Variants in RERE observed in about 807,000 individuals in gnomAD.
RERE encodes arginine-glutamic acid dipeptide repeats protein.
In RERE, 40 loss-of-function variants were observed where a neutral mutation model predicts 146.1. That is an observed-to-expected ratio of 0.27 (90% CI 0.21 to 0.36). The LOEUF is 0.36. Ranked by LOEUF, RERE falls within the 10% of genes least tolerant of loss-of-function variation. The pLI, the probability that RERE is intolerant of heterozygous loss-of-function variation, is 1.00. For synonymous variants in RERE, 1,003 were observed against 866.0 expected (o/e 1.16, Z -2.78); for missense variants, 1,933 against 2,138.7 (o/e 0.90, Z 1.90).
Position 8,361,128 on chromosome 1 carries a change from C to T in RERE, c.2379G>A (p.Ala793=), listed in dbSNP as rs368307554. ...GTTGGATGTGGGTGTGGGGAACAGG[C>T]GCTGTGGGAGCCTGTGGCTGGTTAG... ...QAPNQPQAPT[A]PVPHTHIQQA... is the part of the protein sequence containing the mutation. The change falls in exon 18 of 23, where the codon GCG becomes GCA. Residue 793 remains alanine, a synonymous_variant. Coordinates refer to ENST00000400908, the MANE Select transcript of RERE (RefSeq NM_001042681.2). The T allele has an allele frequency of 2.0e-3, 2,934 of 1,443,450 alleles. 3 individuals carry two copies. The highest frequency in any genetic ancestry group is 2.4e-3 in the Non-Finnish European group (2,656 of 1,103,180). The allele number at this position is 1,443,450 out of a possible 1,614,324, so 89.4% of individuals were successfully genotyped here. A position where few individuals can be genotyped will look rare whatever the true frequency, so the allele number is the denominator to read the frequency against.
chr1:8,422,832 A>G lies in RERE; in HGVS notation c.1204-25T>C, dbSNP rs755438032. 5 of 1,567,146 alleles carry G rather than the reference A, an allele frequency of 3.2e-6. No individual in the cohort carries two copies. In the Admixed American group the frequency reaches 5.0e-5, roughly 16 times the overall value. ...TCTGTGATAAAAAGAAACAAATGGG[A>G]TGTAAAAACCAAAAACAAAACAGGA... On this transcript the variant is annotated intron_variant, in intron 11 of 22. Transcript: ENST00000400908.
At chr1:8,447,299 T>C (rs1644334933) in intron 11 of RERE, among the ~76,000 whole-genome samples, 1 of 152,082 alleles carries the variant, frequency 6.6e-6, no homozygotes, top group Non-Finnish European at 1.5e-5. Context: ...CTTCTGTCAA[T>C]TTGTCAAACT....
intron 7 of RERE, among the ~76,000 whole-genome samples, chr1:8,521,869 C>T (rs1645505857): frequency 6.6e-6 from 1 of 152,072 alleles, no homozygotes; most frequent in Non-Finnish European, 1.5e-5. Context: ...GAAATGGAGA[C>T]CGTAAGAATA....
chr1:8,557,591 T>C, intron 4 of RERE, 68 bp from the exon 5 acceptor site: 1 of 983,346 alleles, frequency 1.0e-6, no homozygotes, highest in Non-Finnish European at 1.6e-6. Context: ...ATCATACCCA[T>C]GACCAAAAGC....
rs1461950810 is a variant in RERE at position 8,365,802 on chromosome 1, C to A, written c.1447+10G>T. ...CCTCCGCCCACTGTGATGCCAAGAC[C>A]CCTACTCACAGAATTCACTGGACGG... On this transcript the variant is annotated intron_variant, in intron 13 of 22. Coordinates refer to ENST00000400908, the MANE Select transcript of RERE (RefSeq NM_001042681.2). The A allele has an allele frequency of 6.2e-6, 10 of 1,613,920 alleles. No individual in the cohort carries two copies. The highest frequency in any genetic ancestry group is 8.5e-6 in the Non-Finnish European group (10 of 1,179,894).
chr1:8,669,185 C>A (rs191102883), intron 1 of RERE, among the ~76,000 whole-genome samples: 247 of 151,540 alleles, frequency 1.6e-3, no homozygotes, highest in Non-Finnish European at 2.9e-3. Context: ...CAATACCCCC[C>A]CCAACTCGGC....
At chr1:8,535,094 T>A (rs1645708073) in intron 7 of RERE, among the ~76,000 whole-genome samples, 1 of 151,946 alleles carries the variant, frequency 6.6e-6, no homozygotes, top group South Asian at 2.1e-4. Flanking sequence ...AAACCGTACC[T>A]ACGAATAGCC....
chr1:8,647,659 G>A (rs958034046), intron 2 of RERE, among the ~76,000 whole-genome samples: 81 of 151,832 alleles, frequency 5.3e-4, no homozygotes, highest in Non-Finnish European at 9.3e-4. Context: ...GTGTGTGTGT[G>A]TGTGTGTGTG....
rs139314736 is a variant in RERE, at chr1:8,670,153, C to T, written c.-144-13712G>A. Among the ~76,000 whole-genome samples the T allele has an allele frequency of 7.7e-3, 1,170 of 152,218 alleles. 10 individuals carry two copies. The highest frequency in any genetic ancestry group is 0.012 in the Non-Finnish European group (792 of 68,008). On this transcript the variant is annotated intron_variant, in intron 1 of 22. Coordinates refer to ENST00000400908, the MANE Select transcript of RERE (RefSeq NM_001042681.2). ...TTCTAGGTTGACCAAATGTATTAAC[C>T]CTGCTCTCTCTGTTAACCTGATGTC...
At position 8,362,675 on chromosome 1, in the gene RERE, C is replaced by A. The variant is rs1641632699; in HGVS notation, c.1902+8G>T. 4 of 1,614,128 alleles carry A rather than the reference C, an allele frequency of 2.5e-6. No individual in the cohort carries two copies. The South Asian group carries it at 4.4e-5, about 18-fold the overall frequency. On this transcript the variant is annotated splice_region_variant and intron_variant, in intron 16 of 22. Coordinates refer to ENST00000400908, the MANE Select transcript of RERE (RefSeq NM_001042681.2). ...AGAGTAGGCCCTACTATCCCCCCAG[C>A]ACCTGACCTTGGCCGACTTCTTCAC...
intron 3 of RERE, among the ~76,000 whole-genome samples, chr1:8,622,486 TAAAAAAA>T (rs1167355778): frequency 1.2e-4 from 5 of 43,032 alleles, no homozygotes; most frequent in Non-Finnish European, 2.2e-4. Context: ...TGTATCTGTT[TAAAAAAA>T]AAAAAAAAAA....
chr1:8,739,644 C>G (rs1640268667), intron 1 of RERE, among the ~76,000 whole-genome samples: 1 of 152,028 alleles, frequency 6.6e-6, no homozygotes, highest in Non-Finnish European at 1.5e-5. Context: ...GGACATACTT[C>G]GAGGTGAGAA....
chr1:8,353,527 G>A lies in RERE; in HGVS notation c.*1560C>T, dbSNP rs534416261. ...TGTCTGAGAGAAAAGGATCGGAAGA[G>A]GCCACGTCCTGGCAGGAAGCAGGGC... On this transcript the variant is annotated 3_prime_UTR_variant, in exon 23 of 23. Transcript: ENST00000400908. 2 of 152,330 alleles carry A rather than the reference G, an allele frequency of 1.3e-5. No individual in the cohort carries two copies. Among genetic ancestry groups the A allele is most frequent in the African/African-American group, 4.8e-5 (2 of 41,460 alleles). The allele number at this position is 152,330 out of a possible 1,614,324, so 9.4% of individuals were successfully genotyped here.
intron 12 of RERE, among the ~76,000 whole-genome samples, chr1:8,420,298 GAGAGAGAGAGAA>G (rs1426498050): frequency 4.6e-5 from 7 of 151,444 alleles, no homozygotes; most frequent in African/African-American, 1.2e-4. Context: ...CATTAAAAAA[GAGAGAGAGAGAA>G]AGAGAGAGAG....
At chr1:8,492,420 TAGCACAGTTATGAA>T (rs1294621924) in intron 10 of RERE, among the ~76,000 whole-genome samples, 2 of 152,202 alleles carry the variant, frequency 1.3e-5, no homozygotes, top group African/African-American at 4.8e-5. Flanking sequence ...ATTCAACTGA[TAGCACAGTTATGAA>T]AGCAGGATTT....
chr1:8,693,462 A>C (rs1412495366), intron 1 of RERE, among the ~76,000 whole-genome samples: 2 of 152,250 alleles, frequency 1.3e-5, no homozygotes, highest in Non-Finnish European at 2.9e-5. Flanking sequence ...AACCTTAAGT[A>C]CATTTTGCTA....
intron 1 of RERE, among the ~76,000 whole-genome samples, chr1:8,737,072 A>G (rs1236550912): frequency 6.6e-6 from 1 of 152,214 alleles, no homozygotes; most frequent in African/African-American, 2.4e-5. Context: ...TTTCTGGATT[A>G]GAGTGTGCCA....
At chr1:8,385,885 C>T (rs1307781697) in intron 12 of RERE, among the ~76,000 whole-genome samples, 3 of 141,786 alleles carry the variant, frequency 2.1e-5, no homozygotes, top group African/African-American at 5.3e-5. Context: ...AGGAGAATGG[C>T]GTGAACCCGG....
At chr1:8,509,076 G>A (rs969274781) in intron 7 of RERE, among the ~76,000 whole-genome samples, 3 of 152,046 alleles carry the variant, frequency 2.0e-5, no homozygotes, top group African/African-American at 4.8e-5. Context: ...CACCACGCCC[G>A]GCTAATTTTT....
Sources: gnomAD v4.1 joint callset for allele counts (sites outside exome capture counted in the v4.1 genomes callset) on GRCh38, gnomAD v4.1.1 for gene constraint, MANE v1.5 for transcripts, NCBI Gene and HGNC (gene_info 2026-07-23, HGNC 2026-07-21) for gene names.